The following CLNK variants were observed in gnomAD, a reference collection of about 807,000 sequenced individuals.
The protein encoded by CLNK is cytokine dependent hematopoietic cell linker, also known as cytokine-dependent hematopoietic cell linker.
CLNK carries 74 observed loss-of-function variants against 68.6 expected under a neutral mutation model. That is an observed-to-expected ratio of 1.08 (90% CI 0.89 to 1.31). The LOEUF is 1.31. Ranked by LOEUF, CLNK falls within the 50% of genes most tolerant of loss-of-function variation. The probability of loss-of-function intolerance (pLI) is 0.00; values close to 1 mark genes in which losing one functional copy is unlikely to be tolerated. For synonymous variants in CLNK, 198 were observed against 172.2 expected (o/e 1.15, Z -1.17); for missense variants, 553 against 515.3 (o/e 1.07, Z -0.71).
the CLNK span, among the ~76,000 whole-genome samples, chr4:10,730,977 G>C: frequency 6.6e-6 from 1 of 152,134 alleles, no homozygotes; most frequent in Non-Finnish European, 1.5e-5. Context: ...AGATTTCTTA[G>C]GTACACGTGA....
intron 1 of CLNK, among the ~76,000 whole-genome samples, chr4:10,674,438 A>G (rs1724791904): frequency 6.6e-6 from 1 of 152,214 alleles, no homozygotes; most frequent in South Asian, 2.1e-4. Flanking sequence ...GCCTAGGCAA[A>G]AGGGCCAGAA....
chr4:10,700,445 C>T, the CLNK span, among the ~76,000 whole-genome samples: 1 of 152,114 alleles, frequency 6.6e-6, no homozygotes, highest in Non-Finnish European at 1.5e-5. Context: ...GCAAGACAGA[C>T]TTAGGTGGGT....
chr4:10,631,278 T>C (rs985713954), intron 2 of CLNK, among the ~76,000 whole-genome samples: 4 of 152,240 alleles, frequency 2.6e-5, no homozygotes, highest in Non-Finnish European at 5.9e-5. Flanking sequence ...TCCTCTCTCA[T>C]AAAGGCTGAG....
chr4:10,687,894 G>A (rs896570051), upstream of CLNK, among the ~76,000 whole-genome samples: 1 of 152,120 alleles, frequency 6.6e-6, no homozygotes, highest in South Asian at 2.1e-4. Context: ...AGTTTATTGG[G>A]TTCATGGATC....
intron 12 of CLNK, among the ~76,000 whole-genome samples, 170 bp from the exon 13 acceptor site, chr4:10,528,264 A>C (rs79094374): frequency 0.048 from 7,319 of 152,314 alleles, 238 homozygotes; most frequent in Middle Eastern, 0.1. Flanking sequence ...AAAACTAAAC[A>C]AAAATCAAAA....
At chr4:10,647,106 G>A (rs377721163) in intron 2 of CLNK, among the ~76,000 whole-genome samples, 1 of 152,170 alleles carries the variant, frequency 6.6e-6, no homozygotes, top group East Asian at 1.9e-4. Flanking sequence ...TAGGGGCTGA[G>A]TCTTACTTCA....
At position 10,556,936 on chromosome 4, in the gene CLNK, C is replaced by A. The variant is rs1040599717; in HGVS notation, c.445+1471G>T. On this transcript the variant is annotated intron_variant, in intron 8 of 18. Coordinates refer to ENST00000226951, the MANE Select transcript of CLNK (RefSeq NM_052964.4). ...ACTAAAAATACAAAAATTAGCCAGG[C>A]ATGGTGGAATGCATCTGTAATCCCA... 2.0e-5 allele frequency among the ~76,000 whole-genome samples: 3 copies of A among 151,872 alleles called. No individual in the cohort carries two copies. The East Asian group carries it at 5.8e-4, about 29-fold the overall frequency.
In CLNK at chr4:10,486,665, C is replaced by G. The variant is rs1159511361; in HGVS notation, c.*3802G>C. 6.6e-6 allele frequency: 1 copy of G among 152,086 alleles called. No individual in the cohort carries two copies. Among genetic ancestry groups the G allele is most frequent in the African/African-American group, 2.4e-5 (1 of 41,420 alleles). The allele number at this position is 152,086 out of a possible 1,614,324, so 9.4% of individuals were successfully genotyped here. On this transcript the variant is annotated 3_prime_UTR_variant, in exon 19 of 19. Transcript: ENST00000226951. The stretch of plus-strand genomic sequence containing the variant: ...GCCATGATGCGGTTACTTAAAAACA[C>G]ACACACACACACGCACACAGGCACA...
the CLNK span, among the ~76,000 whole-genome samples, chr4:10,728,148 C>T: frequency 2.0e-5 from 3 of 151,892 alleles, no homozygotes; most frequent in African/African-American, 2.4e-5. Context: ...TCCTACAGTG[C>T]GAGGGGCAGC....
chr4:10,513,398 T>C, intron 16 of CLNK, 66 bp downstream of exon 16: 1 of 1,489,072 alleles, frequency 6.7e-7, no homozygotes, highest in South Asian at 1.2e-5. Flanking sequence ...TTGGGCATTG[T>C]TCAGGAAAGC....
At chr4:10,513,271 A>G (rs932600701) in intron 16 of CLNK, among the ~76,000 whole-genome samples, 193 bp downstream of exon 16, 1 of 152,248 alleles carries the variant, frequency 6.6e-6, no homozygotes, top group African/African-American at 2.4e-5. Context: ...TGAGAGACCA[A>G]TGTAATATGT....
At chr4:10,573,489 G>C (rs916010015) in intron 4 of CLNK, among the ~76,000 whole-genome samples, 10 of 152,124 alleles carry the variant, frequency 6.6e-5, no homozygotes, top group African/African-American at 2.4e-4. Context: ...CCCTGGCAGA[G>C]AAACCAACAC....
intron 3 of CLNK, among the ~76,000 whole-genome samples, chr4:10,587,691 G>A (rs189175418): frequency 3.0e-4 from 46 of 152,226 alleles, no homozygotes; most frequent in Admixed American, 2.0e-3. Context: ...CTGTGGGCTC[G>A]CTGTTATCGC....
chr4:10,588,264 A>T (rs928167327), intron 3 of CLNK, among the ~76,000 whole-genome samples: 10 of 152,214 alleles, frequency 6.6e-5, no homozygotes, highest in African/African-American at 1.9e-4. Context: ...AGGAACTTTG[A>T]CTTCTAAATT....
intron 2 of CLNK, among the ~76,000 whole-genome samples, chr4:10,602,212 GA>G (rs1489475283): frequency 6.6e-6 from 1 of 152,108 alleles, no homozygotes; most frequent in Non-Finnish European, 1.5e-5. Flanking sequence ...TTTCCCCTGT[GA>G]AAATGTCTTC....
chr4:10,690,951 A>G, the CLNK span, among the ~76,000 whole-genome samples: 1 of 152,308 alleles, frequency 6.6e-6, no homozygotes, highest in African/African-American at 2.4e-5. Flanking sequence ...GCAGTGCAAC[A>G]AAAGAATGAA....
intron 2 of CLNK, among the ~76,000 whole-genome samples, chr4:10,605,226 C>T (rs1453848132): frequency 6.6e-6 from 1 of 152,180 alleles, no homozygotes; most frequent in Non-Finnish European, 1.5e-5. Flanking sequence ...ATAAATCTCT[C>T]TTGCTTTCTC....
intron 18 of CLNK, among the ~76,000 whole-genome samples, chr4:10,492,350 G>T (rs1340483558): frequency 6.6e-6 from 1 of 152,166 alleles, no homozygotes; most frequent in Non-Finnish European, 1.5e-5. Context: ...CTCTGCCTCT[G>T]ATTTGGTTTT....
chr4:10,619,025 C>T (rs1444545805), intron 2 of CLNK, among the ~76,000 whole-genome samples: 1 of 152,224 alleles, frequency 6.6e-6, no homozygotes, highest in South Asian at 2.1e-4. Flanking sequence ...TGTCAGCATT[C>T]TTTTAGCCTT....
Sources: allele counts gnomAD v4.1 joint callset (sites outside exome capture counted in the v4.1 genomes callset), GRCh38; gene constraint gnomAD v4.1.1; transcripts MANE v1.5; gene names NCBI Gene and HGNC (gene_info 2026-07-23, HGNC 2026-07-21).